PCDHGA5: variants seen among roughly 807,000 people sequenced by gnomAD.
The protein encoded by PCDHGA5 is protocadherin gamma-A5.
A neutral mutation model predicts 56.7 loss-of-function variants in PCDHGA5; 36 were observed. The observed-to-expected ratio is 0.64, with a 90% CI of 0.49 to 0.84. The LOEUF (loss-of-function observed/expected upper bound fraction) is 0.84, where lower values mean the gene tolerates loss of function less well. Ranked by LOEUF, PCDHGA5 falls within the 40% of genes least tolerant of loss-of-function variation. The pLI, the probability that PCDHGA5 is intolerant of heterozygous loss-of-function variation, is 0.00. For synonymous variants in PCDHGA5, 563 were observed against 520.2 expected, an observed-to-expected ratio of 1.08 and a Z score of -1.12; for missense variants, 1,305 against 1,201.5, an observed-to-expected ratio of 1.09 and a Z score of -1.27.
chr5:141,460,592 G>C (rs796171299), intron 1 of PCDHGA5, among the ~76,000 whole-genome samples: 12 of 151,976 alleles, frequency 7.9e-5, no homozygotes, highest in African/African-American at 2.9e-4. Flanking sequence ...GTTTTTTCTG[G>C]GCTCTCTGTG....
At chr5:141,409,756 C>T in intron 1 of PCDHGA5, 1 of 1,612,994 alleles carries the variant, frequency 6.2e-7, no homozygotes, top group Non-Finnish European at 8.5e-7. Flanking sequence ...TCGCGCAGCG[C>T]GCCTTTGATC....
At chr5:141,410,914 C>T (rs1399369063) in intron 1 of PCDHGA5, 4 of 246,122 alleles carry the variant, frequency 1.6e-5, no homozygotes, top group Admixed American at 6.8e-5. Context: ...AGTGCAGTGG[C>T]GTGATCTCTG....
chr5:141,397,194 A>G (rs1362793784), intron 1 of PCDHGA5, among the ~76,000 whole-genome samples: 1 of 152,240 alleles, frequency 6.6e-6, no homozygotes, highest in Admixed American at 6.5e-5. Flanking sequence ...GTACTGTAAA[A>G]GATATGACAT....
intron 1 of PCDHGA5, chr5:141,392,814 A>G: frequency 2.5e-6 from 4 of 1,585,078 alleles, no homozygotes; most frequent in South Asian, 2.3e-5. Flanking sequence ...CAAAACAACA[A>G]TGGCCGCTCC....
intron 1 of PCDHGA5, chr5:141,394,345 C>T (rs748471730): frequency 1.2e-6 from 2 of 1,614,146 alleles, no homozygotes; most frequent in Non-Finnish European, 1.7e-6. Context: ...AACTCTGACA[C>T]CGGTGTCCTG....
At chr5:141,378,377 G>A (rs1488267882) in intron 1 of PCDHGA5, 1 of 152,208 alleles carries the variant, frequency 6.6e-6, no homozygotes, top group African/African-American at 2.4e-5. Flanking sequence ...ACAAAAATTA[G>A]CCAGGTGGGG....
chr5:141,485,814 CT>C lies in PCDHGA5; in HGVS notation c.2422-8992del, dbSNP rs2099619658. On this transcript the variant is annotated intron_variant, in intron 1 of 3. Transcript: ENST00000518069. The surrounding 1 kb of genome is among the most constrained non-coding windows in gnomAD (Gnocchi z 5.7). ...TCGGACTACCGCCTGGTGCTGACTGCTGTCGATGGAGGGAACCCGCCGAGAT... is the reference window on the plus strand; with the variant it reads ...TCGGACTACCGCCTGGTGCTGACTGCGTCGATGGAGGGAACCCGCCGAGAT... The C allele has an allele frequency of 6.2e-7, 1 of 1,613,864 alleles. No individual in the cohort carries two copies. Among genetic ancestry groups the C allele is most frequent in the Non-Finnish European group, 8.5e-7 (1 of 1,179,990 alleles).
intron 1 of PCDHGA5, chr5:141,395,454 C>T (rs75588357): frequency 0.043 from 25,805 of 605,332 alleles, 669 homozygotes; most frequent in South Asian, 0.075. Flanking sequence ...ATTGTTCAAC[C>T]ATTTTAAGCC....
chr5:141,489,530 G>C lies in PCDHGA5; in HGVS notation c.2422-5277G>C, dbSNP rs751249228. 17 of 1,614,092 alleles carry C rather than the reference G, an allele frequency of 1.1e-5. 1 individual carries two copies. In the South Asian group the frequency reaches 1.9e-4, roughly 18 times the overall value. ...AAGATTGACCGAGAAAGCCTATGTG[G>C]AGCCAGCACCAGCTGCCTGCTGCCA... On this transcript the variant is annotated intron_variant, in intron 1 of 3. Coordinates refer to ENST00000518069, the MANE Select transcript of PCDHGA5 (RefSeq NM_018918.3). The surrounding 1 kb of genome is among the most constrained non-coding windows in gnomAD (Gnocchi z 4.5).
chr5:141,423,241 G>A (rs1485226833), intron 1 of PCDHGA5: 19 of 1,613,954 alleles, frequency 1.2e-5, no homozygotes, highest in Non-Finnish European at 1.4e-5. Flanking sequence ...CATCCCCGAA[G>A]TCCTGGCGGA....
At chr5:141,377,488 C>T (rs1774054188) in intron 1 of PCDHGA5, 1 of 151,792 alleles carries the variant, frequency 6.6e-6, no homozygotes, top group Admixed American at 6.6e-5. Flanking sequence ...CCCAGCTACT[C>T]GAGAAGCTCT....
chr5:141,402,071 A>G, intron 1 of PCDHGA5, among the ~76,000 whole-genome samples: 2 of 152,340 alleles, frequency 1.3e-5, no homozygotes, highest in Middle Eastern at 3.4e-3. Context: ...AAAACTAAGC[A>G]TTTTTGAAAT....
At chr5:141,405,457 T>TC in intron 1 of PCDHGA5, 3 of 1,256,668 alleles carry the variant, frequency 2.4e-6, no homozygotes, top group South Asian at 1.4e-5. Context: ...TCTTACTCTG[T>TC]TACCCAGGCT....
chr5:141,421,092 C>T, intron 1 of PCDHGA5: 1 of 663,988 alleles, frequency 1.5e-6, no homozygotes, highest in Non-Finnish European at 2.5e-6. Flanking sequence ...CAGATCCTGA[C>T]ACTGGAGACT....
chr5:141,395,127 C>T (rs767438347), intron 1 of PCDHGA5: 2 of 1,614,200 alleles, frequency 1.2e-6, no homozygotes, highest in African/African-American at 1.3e-5. Context: ...GATCTTTCCC[C>T]AGCCCAACTA....
chr5:141,439,773 C>G (rs1323463060), intron 1 of PCDHGA5: 2 of 152,344 alleles, frequency 1.3e-5, no homozygotes, highest in East Asian at 3.9e-4. Flanking sequence ...TCCTTCTTGG[C>G]TGGAGATTCT....
rs759272109 is a variant in PCDHGA5, at chr5:141,420,170, G to A, written c.2421+53419G>A. ...TCCAGAATTTAATTTTTTCACATCTGTTGATCATTGTCCAGCCACACAAGA... is the reference window on the plus strand; with the variant it reads ...TCCAGAATTTAATTTTTTCACATCTATTGATCATTGTCCAGCCACACAAGA... On this transcript the variant is annotated intron_variant, in intron 1 of 3. Coordinates refer to ENST00000518069, the MANE Select transcript of PCDHGA5 (RefSeq NM_018918.3). 22 of 1,613,846 alleles carry A rather than the reference G, an allele frequency of 1.4e-5. No homozygotes were observed. Among genetic ancestry groups the A allele is most frequent in the Non-Finnish European group, 1.8e-5 (21 of 1,179,888 alleles).
rs779448749 is a variant in PCDHGA5 at position 141,365,706 on chromosome 5, C to T, written c.1376C>T (p.Thr459Ile). 6.2e-7 allele frequency: 1 copy of T among 1,613,698 alleles called. No individual in the cohort carries two copies. The highest frequency in any genetic ancestry group is 1.3e-5 in the African/African-American group (1 of 75,028). ...PPNFPQASYS[T>I]SVTENNPRGV... Reference sequence around the variant, plus strand: ...AATTTCCCTCAAGCCTCCTACTCCACCTCTGTCACAGAAAACAATCCCAGA... The same window carrying T: ...AATTTCCCTCAAGCCTCCTACTCCATCTCTGTCACAGAAAACAATCCCAGA... The change falls in exon 1 of 4, where the codon ACC becomes ATC. Residue 459 changes from threonine to isoleucine, a missense_variant. Transcript: ENST00000518069.
intron 1 of PCDHGA5, chr5:141,391,108 A>G (rs1253319004): frequency 6.6e-6 from 1 of 152,138 alleles, no homozygotes; most frequent in African/African-American, 2.4e-5. Flanking sequence ...CTAAACTAAT[A>G]TAGCTAGAGG....
Sources: gnomAD v4.1 joint callset for allele counts (sites outside exome capture counted in the v4.1 genomes callset) on GRCh38, gnomAD v4.1.1 for gene constraint, Gnocchi (gnomAD v3.1) non-coding constraint, MANE v1.5 for transcripts, NCBI Gene and HGNC (gene_info 2026-07-23, HGNC 2026-07-21) for gene names.